ANKRD24: variants seen among roughly 807,000 people sequenced by gnomAD.
ANKRD24 encodes the protein ankyrin repeat domain-containing protein 24.
Under a neutral mutation model 127.8 loss-of-function variants are expected in ANKRD24, and 109 were observed. That is an observed-to-expected ratio of 0.85 (90% CI 0.73 to 1.00). The LOEUF (loss-of-function observed/expected upper bound fraction) is 1.00, where lower values mean the gene tolerates loss of function less well. Among genes scored for constraint, ANKRD24 ranks in the 50% least tolerant of loss-of-function variants. The probability of loss-of-function intolerance (pLI) is 0.00; values close to 1 mark genes in which losing one functional copy is unlikely to be tolerated. For synonymous variants in ANKRD24, 743 were observed against 671.1 expected (o/e 1.11, Z -1.66); for missense variants, 1,648 against 1,570.2 (o/e 1.05, Z -0.84).
At chr19:4,220,721 AT>A (rs1568346779) in intron 19 of ANKRD24, among the ~76,000 whole-genome samples, 2 of 150,012 alleles carry the variant, frequency 1.3e-5, no homozygotes, top group Non-Finnish European at 3.0e-5. Flanking sequence ...CGCCCGGCTA[AT>A]TTTTTTGTAT....
At chr19:4,192,565 C>T (rs1204815012) in intron 2 of ANKRD24, among the ~76,000 whole-genome samples, 5 of 151,822 alleles carry the variant, frequency 3.3e-5, no homozygotes, top group Non-Finnish European at 7.4e-5. Context: ...GCTGGTCCTG[C>T]ATGGAATACA....
chr19:4,186,582 T>C, intron 2 of ANKRD24, 121 bp downstream of exon 2: 1 of 1,181,928 alleles, frequency 8.5e-7, no homozygotes, highest in Non-Finnish European at 1.2e-6. Flanking sequence ...TCCTCTCTGC[T>C]GCCCCCTAGC....
chr19:4,198,521 G>A lies in ANKRD24; in HGVS notation c.37-1162G>A, dbSNP rs545853152. 2 of 606,376 alleles carry A rather than the reference G, an allele frequency of 3.3e-6. No homozygotes were observed. Among genetic ancestry groups the A allele is most frequent in the Admixed American group, 2.7e-5 (1 of 37,598 alleles). The allele number at this position is 606,376 out of a possible 1,614,324, so 37.6% of individuals were successfully genotyped here. A position where few individuals can be genotyped will look rare whatever the true frequency, so the allele number is the denominator to read the frequency against. On this transcript the variant is annotated intron_variant, in intron 2 of 21. Transcript: ENST00000318934. The surrounding 1 kb of genome is among the most constrained non-coding windows in gnomAD (Gnocchi z 6.1). ...GAAGCAGCTGTGTCTGTGCGCAGCCGCCTCCTTCGCGGTAGGGCCCGGGGA... is the reference window on the plus strand; with the variant it reads ...GAAGCAGCTGTGTCTGTGCGCAGCCACCTCCTTCGCGGTAGGGCCCGGGGA...
rs569510862 is a variant in ANKRD24 at position 4,186,930 on chromosome 19, C to T, written c.36+469C>T. ...GCAAAAATCCTTGCCCTCGTGGAGC[C>T]GACCGCTGAGTACGGGAGATGAACA... On this transcript the variant is annotated intron_variant, in intron 2 of 21. Transcript: ENST00000318934. Among the ~76,000 whole-genome samples the T allele has an allele frequency of 5.3e-5, 8 of 152,244 alleles. No individual in the cohort carries two copies. The East Asian group carries it at 9.7e-4, about 18-fold the overall frequency.
At chr19:4,218,587 T>TCCG (rs1375685858) in intron 18 of ANKRD24, among the ~76,000 whole-genome samples, 1 of 151,812 alleles carries the variant, frequency 6.6e-6, no homozygotes, top group African/African-American at 2.4e-5. Context: ...GGCATCAGCC[T>TCCG]CCGCACCTGG....
chr19:4,198,180 C>G lies in ANKRD24; in HGVS notation c.37-1503C>G, dbSNP rs1056825987. The G allele has an allele frequency of 1.8e-6, 1 of 569,188 alleles. No homozygotes were observed. The highest frequency in any genetic ancestry group is 3.2e-5 in the Admixed American group (1 of 30,982). The allele number at this position is 569,188 out of a possible 1,614,324, so 35.3% of individuals were successfully genotyped here. A position where few individuals can be genotyped will look rare whatever the true frequency, so the allele number is the denominator to read the frequency against. The stretch of plus-strand genomic sequence containing the variant: ...TGCGCTGGTGAGGGAGCCGGGCCCC[C>G]GGCGCCGCGTCCTCCTCATCCTCCA... On this transcript the variant is annotated intron_variant, in intron 2 of 21. Coordinates refer to ENST00000318934, the MANE Select transcript of ANKRD24 (RefSeq NM_001393985.1). This position sits in a 1 kb window ranked among gnomAD's most constrained non-coding sequence, Gnocchi z 6.1.
chr19:4,198,511 G>C lies in ANKRD24; in HGVS notation c.37-1172G>C, dbSNP rs747330458. On this transcript the variant is annotated intron_variant, in intron 2 of 21. Transcript: ENST00000318934. This position sits in a 1 kb window ranked among gnomAD's most constrained non-coding sequence, Gnocchi z 6.1. ...CGGACGCCATGAAGCAGCTGTGTCT[G>C]TGCGCAGCCGCCTCCTTCGCGGTAG... 2.9e-5 allele frequency: 18 copies of C among 614,734 alleles called. No individual in the cohort carries two copies. In the South Asian group the frequency reaches 3.1e-4, roughly 11 times the overall value. 38.1% of individuals were successfully genotyped at this position (614,734 alleles called of 1,614,324 possible).
chr19:4,182,741 G>C lies in ANKRD24; in HGVS notation c.-37+1G>C. ...AGGAAGCCTGCCTCTTTGCATGCAG[G>C]TGTTTGCGGGGCTTGGGAAGGGGCT... On this transcript the variant is annotated splice_donor_variant, in intron 1 of 21. Coordinates refer to ENST00000318934, the MANE Select transcript of ANKRD24 (RefSeq NM_001393985.1). LOFTEE classifies it low-confidence loss of function (5UTR_SPLICE). The C allele has an allele frequency of 7.2e-7, 1 of 1,396,560 alleles. No individual in the cohort carries two copies. Among genetic ancestry groups the C allele is most frequent in the Non-Finnish European group, 9.3e-7 (1 of 1,073,786 alleles). 86.5% of individuals were successfully genotyped at this position (1,396,560 alleles called of 1,614,324 possible). A position where few individuals can be genotyped will look rare whatever the true frequency, so the allele number is the denominator to read the frequency against.
rs867073121 is a variant in ANKRD24 at position 4,218,096 on chromosome 19, C to T, written c.2936C>T (p.Ala979Val). 12 of 1,545,002 alleles carry T rather than the reference C, an allele frequency of 7.8e-6. No individual in the cohort carries two copies. Among genetic ancestry groups the T allele is most frequent in the Non-Finnish European group, 1.0e-5 (12 of 1,147,950 alleles). ...RIVGTLQANV[A>V]QLEGQLEELG... ...GTGGGCACCCTGCAGGCCAACGTGG[C>T]CCAGCTGGAGGGGCAGCTGGAGGAG... The change falls in exon 18 of 22, where the codon GCC (alanine) becomes GTC (valine). Residue 979 changes from alanine to valine, a missense_variant. Transcript: ENST00000318934.
chr19:4,187,447 T>TG (rs1015181220), intron 2 of ANKRD24, among the ~76,000 whole-genome samples: 6 of 147,310 alleles, frequency 4.1e-5, no homozygotes, highest in African/African-American at 1.3e-4. Context: ...GGAAGGGGAG[T>TG]GGGGGAGAGA....
At position 4,207,493 on chromosome 19, in the gene ANKRD24, C is replaced by G; in HGVS notation, c.538-8C>G. The stretch of plus-strand genomic sequence containing the variant: ...TCATGCCATCGCATCCCTCCTCCTC[C>G]CTACCAGTCAGGCGCAACACCCCTC... On this transcript the variant is annotated splice_polypyrimidine_tract_variant and splice_region_variant and intron_variant, in intron 8 of 21. Coordinates refer to ENST00000318934, the MANE Select transcript of ANKRD24 (RefSeq NM_001393985.1). 6.2e-7 allele frequency: 1 copy of G among 1,613,366 alleles called. No individual in the cohort carries two copies. The highest frequency in any genetic ancestry group is 1.3e-5 in the African/African-American group (1 of 75,026).
intron 11 of ANKRD24, 89 bp downstream of exon 11, chr19:4,208,890 A>T: frequency 7.0e-7 from 1 of 1,425,296 alleles, no homozygotes; most frequent in Non-Finnish European, 9.7e-7. Flanking sequence ...AAGAGAAGGA[A>T]GTTAGACCTG....
chr19:4,205,326 C>A (rs1969324690), intron 7 of ANKRD24, among the ~76,000 whole-genome samples: 1 of 152,222 alleles, frequency 6.6e-6, no homozygotes, highest in Admixed American at 6.5e-5. Context: ...ATAAGGTTTG[C>A]AGCAATCAAA....
chr19:4,218,186 CG>C, intron 18 of ANKRD24, 23 bp downstream of exon 18: 2 of 1,427,908 alleles, frequency 1.4e-6, no homozygotes, highest in Non-Finnish European at 1.8e-6. Flanking sequence ...GGTCACCACC[CG>C]GGCCCCACCC....
chr19:4,206,672 C>T (rs1969405537), intron 7 of ANKRD24, among the ~76,000 whole-genome samples: 1 of 152,038 alleles, frequency 6.6e-6, no homozygotes, highest in South Asian at 2.1e-4. Context: ...TGGCAGTCGG[C>T]AGACCTAGAT....
At chr19:4,223,354 C>T (rs1017124816) in intron 20 of ANKRD24, among the ~76,000 whole-genome samples, 1 of 143,234 alleles carries the variant, frequency 7.0e-6, no homozygotes, top group South Asian at 2.2e-4. Context: ...CCTCAACCTC[C>T]CAAAGTGCCT....
intron 2 of ANKRD24, among the ~76,000 whole-genome samples, chr19:4,190,663 G>A (rs1376942087): frequency 6.6e-6 from 1 of 152,084 alleles, no homozygotes; most frequent in East Asian, 1.9e-4. Flanking sequence ...AACCCAGGAG[G>A]CAGAAGTTGC....
At chr19:4,187,574 T>C (rs1391726286) in intron 2 of ANKRD24, among the ~76,000 whole-genome samples, 1 of 152,196 alleles carries the variant, frequency 6.6e-6, no homozygotes, top group African/African-American at 2.4e-5. Flanking sequence ...AAAGACATGC[T>C]TCTTCCTCCA....
At position 4,217,241 on chromosome 19, in the gene ANKRD24, A is replaced by T; in HGVS notation, c.2081A>T (p.Asn694Ile). ...GGAGTCAGTGCCACAGGTGTGGAGA[A>T]CCCAGGGGTAGAGGCCACGGTCCCG... The part of the protein sequence containing the change: ...STGVSATGVE[N>I]PGVEATVPGI... Residue 694 changes from asparagine (N) to isoleucine (I), a missense_variant, in exon 18 of 22, where the codon AAC becomes ATC. By Grantham distance (149) the Asn-to-Ile change is moderately radical. Coordinates refer to ENST00000318934, the MANE Select transcript of ANKRD24 (RefSeq NM_001393985.1). The T allele has an allele frequency of 6.3e-7, 1 of 1,593,548 alleles. No homozygotes were observed. Among genetic ancestry groups the T allele is most frequent in the Non-Finnish European group, 8.5e-7 (1 of 1,169,882 alleles).
Sources: gnomAD v4.1 joint callset for allele counts (sites outside exome capture counted in the v4.1 genomes callset) on GRCh38, gnomAD v4.1.1 for gene constraint, Gnocchi (gnomAD v3.1) non-coding constraint, MANE v1.5 for transcripts, NCBI Gene and HGNC (gene_info 2026-07-23, HGNC 2026-07-21) for gene names.